NME7: variants seen among roughly 807,000 people sequenced by gnomAD.
The protein encoded by NME7 is NME/NM23 family member 7.
In NME7, 41 loss-of-function variants were observed where a neutral mutation model predicts 49.1. The observed-to-expected ratio is 0.83, with a 90% CI of 0.65 to 1.08. NME7 has a LOEUF of 1.08. Ranked by LOEUF, NME7 falls within the 50% of genes least tolerant of loss-of-function variation. The pLI, the probability that NME7 is intolerant of heterozygous loss-of-function variation, is 0.00. For synonymous variants in NME7, 139 were observed against 150.6 expected (o/e 0.92, Z 0.56); for missense variants, 423 against 463.4 (o/e 0.91, Z 0.80).
At chr1:169,331,979 T>C (rs963814460) in intron 1 of NME7, among the ~76,000 whole-genome samples, 2 of 152,062 alleles carry the variant, frequency 1.3e-5, no homozygotes, top group Non-Finnish European at 1.5e-5. Context: ...TTCTAGAATT[T>C]ATATGGAACC....
chr1:169,165,298 AAAATAAATAAAT>A (rs150919885), intron 11 of NME7, among the ~76,000 whole-genome samples: 6 of 150,426 alleles, frequency 4.0e-5, no homozygotes, highest in African/African-American at 7.3e-5. Context: ...GTTTGCTATA[AAAATAAATAAAT>A]AAATAAATAA....
At chr1:169,171,348 TCAGA>T (rs1185907541) in intron 10 of NME7, among the ~76,000 whole-genome samples, 2 of 151,048 alleles carry the variant, frequency 1.3e-5, no homozygotes, top group Non-Finnish European at 3.0e-5. Flanking sequence ...GCCTGGGTTG[TCAGA>T]CAGAGTAGGA....
intron 7 of NME7, among the ~76,000 whole-genome samples, chr1:169,281,473 G>A (rs1650009949): frequency 6.6e-6 from 1 of 152,166 alleles, no homozygotes; most frequent in African/African-American, 2.4e-5. Context: ...GCCCTGGCCA[G>A]AACATCCAAT....
intron 10 of NME7, among the ~76,000 whole-genome samples, chr1:169,177,130 T>C (rs1411827997): frequency 1.3e-5 from 2 of 152,144 alleles, no homozygotes; most frequent in African/African-American, 4.8e-5. Flanking sequence ...AGTCTTGCTT[T>C]ACTATTTTAA....
At chr1:169,315,150 A>G (rs1463951513) in intron 3 of NME7, among the ~76,000 whole-genome samples, 1 of 152,214 alleles carries the variant, frequency 6.6e-6, no homozygotes, top group Non-Finnish European at 1.5e-5. Context: ...AAAAATTAGT[A>G]AATATGTGAA....
At chr1:169,322,671 G>T (rs1177239103) in intron 3 of NME7, among the ~76,000 whole-genome samples, 1 of 143,384 alleles carries the variant, frequency 7.0e-6, no homozygotes, top group African/African-American at 2.7e-5. Flanking sequence ...ACATCTATTA[G>T]ATATAAATAT....
intron 5 of NME7, among the ~76,000 whole-genome samples, chr1:169,299,981 C>T (rs555228073): frequency 6.6e-6 from 1 of 152,236 alleles, no homozygotes; most frequent in South Asian, 2.1e-4. Flanking sequence ...CTTCAAGACA[C>T]TTACAATCTA....
At chr1:169,340,050 CTT>C (rs1322404422) in intron 1 of NME7, among the ~76,000 whole-genome samples, 1 of 152,198 alleles carries the variant, frequency 6.6e-6, no homozygotes, top group African/African-American at 2.4e-5. Flanking sequence ...GTTAGTTTCT[CTT>C]ACTCTGCCCA....
intron 11 of NME7, among the ~76,000 whole-genome samples, chr1:169,157,526 C>T (rs1659113171): frequency 6.6e-6 from 1 of 152,238 alleles, no homozygotes; most frequent in African/African-American, 2.4e-5. Flanking sequence ...CAGGCCTCTC[C>T]TCCTCCCTGG....
intron 1 of NME7, among the ~76,000 whole-genome samples, chr1:169,331,558 T>A (rs1378632828): frequency 2.0e-5 from 3 of 152,180 alleles, no homozygotes; most frequent in Admixed American, 2.0e-4. Flanking sequence ...TGATATGATT[T>A]TATATTTGGA....
Position 169,183,789 on chromosome 1 carries a change from G to A in NME7, c.991-14235C>T, listed in dbSNP as rs368865279. 2.0e-3 allele frequency among the ~76,000 whole-genome samples: 297 copies of A among 151,762 alleles called. 2 individuals carry two copies. The highest frequency in any genetic ancestry group is 7.0e-3 in the African/African-American group (290 of 41,376). ...TGTGCTCCAGCCTAGGCGACAGAGC[G>A]AGACTCCATCTCAGAAAAAAAGAAA... On this transcript the variant is annotated intron_variant, in intron 10 of 11. Coordinates refer to ENST00000367811, the MANE Select transcript of NME7 (RefSeq NM_013330.5).
rs891810048 is a variant in NME7 at position 169,235,257 on chromosome 1, A to G, written c.820-58T>C. On this transcript the variant is annotated intron_variant, in intron 8 of 11. Coordinates refer to ENST00000367811, the MANE Select transcript of NME7 (RefSeq NM_013330.5). ...AAACCAACCAACAAAAGGGAAATAA[A>G]TAAGCCACACTTAGCACTTAACACT... 3.4e-6 allele frequency: 3 copies of G among 876,722 alleles called. No individual in the cohort carries two copies. In the African/African-American group the frequency reaches 5.2e-5, roughly 15 times the overall value. 54.3% of individuals were successfully genotyped at this position (876,722 alleles called of 1,614,324 possible).
chr1:169,304,060 G>A (rs2101913418), intron 4 of NME7, among the ~76,000 whole-genome samples: 1 of 151,708 alleles, frequency 6.6e-6, no homozygotes, highest in African/African-American at 2.4e-5. Flanking sequence ...GGTTACTAAT[G>A]CTTTAACTGA....
At chr1:169,256,182 C>A (rs1162578741) in intron 7 of NME7, among the ~76,000 whole-genome samples, 8 of 131,096 alleles carry the variant, frequency 6.1e-5, no homozygotes, top group South Asian at 2.4e-4. Flanking sequence ...TCCATTCTCC[C>A]CATCACTTTC....
chr1:169,273,956 T>C (rs1285720691), intron 7 of NME7, among the ~76,000 whole-genome samples: 4 of 132,580 alleles, frequency 3.0e-5, no homozygotes, highest in Middle Eastern at 3.8e-3. Flanking sequence ...GCATGATTTA[T>C]AGTCCTTTAG....
intron 7 of NME7, among the ~76,000 whole-genome samples, chr1:169,253,521 G>A (rs1571329045): frequency 6.6e-6 from 1 of 152,074 alleles, no homozygotes; most frequent in Non-Finnish European, 1.5e-5. Context: ...GGGACAATTT[G>A]ACTTCCTCTT....
At chr1:169,339,864 C>T (rs1026234573) in intron 1 of NME7, among the ~76,000 whole-genome samples, 3 of 152,204 alleles carry the variant, frequency 2.0e-5, no homozygotes, top group African/African-American at 7.2e-5. Flanking sequence ...GATATTTATT[C>T]TACTTCCTCC....
Position 169,255,695 on chromosome 1 carries a change from C to T in NME7, c.755-18008G>A, listed in dbSNP as rs1648897928. On this transcript the variant is annotated intron_variant, in intron 7 of 11. Transcript: ENST00000367811. ...ACATTTTGGCATGATTTTGCAGCGGCTGGTACCGGTTGCTCCTTTCCATGT... is the reference window on the plus strand; with the variant it reads ...ACATTTTGGCATGATTTTGCAGCGGTTGGTACCGGTTGCTCCTTTCCATGT... Among the ~76,000 whole-genome samples the T allele has an allele frequency of 1.6e-5, 2 of 128,090 alleles. 1 individual carries two copies. Among genetic ancestry groups the T allele is most frequent in the Non-Finnish European group, 3.6e-5 (2 of 55,652 alleles). 84.0% of individuals were successfully genotyped at this position (128,090 alleles called of 152,430 possible). A position where few individuals can be genotyped will look rare whatever the true frequency, so the allele number is the denominator to read the frequency against.
intron 4 of NME7, among the ~76,000 whole-genome samples, chr1:169,306,220 C>T (rs776052190): frequency 2.2e-4 from 33 of 152,140 alleles, no homozygotes; most frequent in Non-Finnish European, 4.6e-4. Flanking sequence ...TATCAAAGAG[C>T]TTGTCTGCTT....
Sources: allele counts gnomAD v4.1 joint callset (sites outside exome capture counted in the v4.1 genomes callset), GRCh38; gene constraint gnomAD v4.1.1; transcripts MANE v1.5; gene names NCBI Gene and HGNC (gene_info 2026-07-23, HGNC 2026-07-21).